The following ADAMTS16 variants were observed in gnomAD, a reference collection of about 807,000 sequenced individuals.
ADAMTS16 encodes A disintegrin and metalloproteinase with thrombospondin motifs 16.
In ADAMTS16, 94 loss-of-function variants were observed where a neutral mutation model predicts 145.8. The observed-to-expected ratio is 0.64, with a 90% CI of 0.55 to 0.77. ADAMTS16 has a LOEUF of 0.77. Ranked by LOEUF, ADAMTS16 falls within the 30% of genes least tolerant of loss-of-function variation. The probability of loss-of-function intolerance (pLI) is 0.00; values close to 1 mark genes in which losing one functional copy is unlikely to be tolerated. For missense variants in ADAMTS16, 1,585 were observed against 1,591.5 expected (o/e 1.00, Z 0.07); for synonymous variants, 659 against 604.3 (o/e 1.09, Z -1.33).
chr5:5,160,326 C>A (rs970294128), intron 3 of ADAMTS16, among the ~76,000 whole-genome samples: 3 of 152,144 alleles, frequency 2.0e-5, no homozygotes, highest in Non-Finnish European at 4.4e-5. Context: ...TTTCTTGGAT[C>A]TAATGTCAAT....
Position 5,242,108 on chromosome 5 carries a change from TG to T in ADAMTS16, c.2583del (p.Thr862ProfsTer29). On this transcript the variant is annotated frameshift_variant, in exon 17 of 23. Transcript: ENST00000274181. LOFTEE classifies it high-confidence loss of function. The stretch of plus-strand genomic sequence containing the variant: ...GCCTGGGAATACTCCATGCCTCGCT[TG>T]GGGACCGAGAAGCAGCCCCCTGCCC... ...GVAWEYSMPR[L>X]GTEKQPPAQP... The T allele has an allele frequency of 6.2e-7, 1 of 1,614,188 alleles. No individual in the cohort carries two copies. Among genetic ancestry groups the T allele is most frequent in the Non-Finnish European group, 8.5e-7 (1 of 1,180,028 alleles).
rs374090755 is a variant in ADAMTS16, at chr5:5,239,918, T to A, written c.2516T>A (p.Ile839Asn). The change falls in exon 16 of 23, where the codon ATT becomes AAT. Residue 839 changes from isoleucine (I) to asparagine (N), a missense_variant. Ile to Asn is a moderately radical substitution (Grantham distance 149, BLOSUM62 -3). This residue lies in a region of ADAMTS16 where 834 missense variants were observed against 811.7 expected (regional missense o/e 1.03). Coordinates refer to ENST00000274181, the MANE Select transcript of ADAMTS16 (RefSeq NM_139056.4). ...ACTGGACCAACCAACGAGACACTGA[T>A]TGTGGAGGTAAAGTCCAGCCTCTTG... ...IATGPTNETL[I>N]VELLFQGRNP... is the part of the protein sequence containing the mutation. The A allele has an allele frequency of 2.5e-6, 4 of 1,613,362 alleles. No individual in the cohort carries two copies. The African/African-American group carries it at 5.3e-5, about 22-fold the overall frequency.
At chr5:5,244,306 A>C (rs1737376946) in intron 17 of ADAMTS16, among the ~76,000 whole-genome samples, 1 of 152,202 alleles carries the variant, frequency 6.6e-6, no homozygotes, top group African/African-American at 2.4e-5. Flanking sequence ...TTCCTTCCCT[A>C]GTATCCCCAG....
At chr5:5,170,606 G>A (rs978911128) in intron 3 of ADAMTS16, among the ~76,000 whole-genome samples, 1 of 152,000 alleles carries the variant, frequency 6.6e-6, no homozygotes, top group Non-Finnish European at 1.5e-5. Context: ...TTGAACTCCC[G>A]ACCTCAGGTG....
At position 5,319,706 on chromosome 5, in the gene ADAMTS16, G is replaced by A. The variant is rs1734210497; in HGVS notation, c.*568G>A. On this transcript the variant is annotated 3_prime_UTR_variant, in exon 23 of 23. Coordinates refer to ENST00000274181, the MANE Select transcript of ADAMTS16 (RefSeq NM_139056.4). ...GCCGAGCATCTCTTACCAGGAACCT[G>A]GAGCCACCGCCGGAGCCAGCGTCAT... The A allele has an allele frequency of 5.6e-6, 2 of 357,938 alleles. No homozygotes were observed. Among genetic ancestry groups the A allele is most frequent in the African/African-American group, 2.2e-5 (1 of 46,184 alleles). The allele number at this position is 357,938 out of a possible 1,614,324, so 22.2% of individuals were successfully genotyped here. A position where few individuals can be genotyped will look rare whatever the true frequency, so the allele number is the denominator to read the frequency against.
At chr5:5,214,077 G>C (rs777356927) in intron 10 of ADAMTS16, among the ~76,000 whole-genome samples, 17 of 152,188 alleles carry the variant, frequency 1.1e-4, no homozygotes, top group Non-Finnish European at 1.9e-4. Context: ...GTGCTCCCAG[G>C]CAGAGAGGTG....
At position 5,318,243 on chromosome 5, in the gene ADAMTS16, C is replaced by A; in HGVS notation, c.3521C>A (p.Ala1174Asp). 6.4e-7 allele frequency: 1 copy of A among 1,558,726 alleles called. No individual in the cohort carries two copies. Among genetic ancestry groups the A allele is most frequent in the Non-Finnish European group, 8.7e-7 (1 of 1,147,572 alleles). The change falls in exon 22 of 23, where the codon GCC (alanine) becomes GAC (aspartate). Residue 1174 changes from alanine (A) to aspartate (D), a missense_variant. Physicochemically the swap from Ala to Asp is moderately radical, Grantham distance 126. Coordinates refer to ENST00000274181, the MANE Select transcript of ADAMTS16 (RefSeq NM_139056.4). ...LLHQKPSASL[A>D]CNTHFCPIAE... The stretch of plus-strand genomic sequence containing the variant: ...CACCAGAAGCCTTCGGCCTCCCTGG[C>A]CTGCAACACTCACTTCTGCCCCATT...
chr5:5,197,282 T>C (rs1299865076), intron 8 of ADAMTS16, among the ~76,000 whole-genome samples: 3 of 152,286 alleles, frequency 2.0e-5, no homozygotes, highest in Middle Eastern at 3.4e-3. Flanking sequence ...TACTTCCCAA[T>C]AGTAATTGAA....
At chr5:5,239,964 G>T in intron 16 of ADAMTS16, 39 bp downstream of exon 16, 1 of 1,607,906 alleles carries the variant, frequency 6.2e-7, no homozygotes, top group South Asian at 1.1e-5. Context: ...TTGGATTTTG[G>T]GGGTGTTCTG....
chr5:5,183,366 C>G (rs533597710), intron 4 of ADAMTS16, among the ~76,000 whole-genome samples: 2 of 152,198 alleles, frequency 1.3e-5, no homozygotes, highest in Non-Finnish European at 2.9e-5. Flanking sequence ...CCGAGGCTGC[C>G]GTGACCGGCA....
intron 14 of ADAMTS16, 118 bp from the exon 15 acceptor site, chr5:5,239,033 C>A: frequency 8.7e-7 from 1 of 1,149,140 alleles, no homozygotes; most frequent in Non-Finnish European, 1.2e-6. Context: ...GTTAACTACC[C>A]TATGTTGGTG....
chr5:5,212,264 G>A (rs1736294134), intron 10 of ADAMTS16, among the ~76,000 whole-genome samples: 1 of 144,136 alleles, frequency 6.9e-6, no homozygotes. Flanking sequence ...CTGGAGTGCA[G>A]TGGCACGATC....
intron 3 of ADAMTS16, among the ~76,000 whole-genome samples, chr5:5,168,334 G>T (rs573477425): frequency 7.1e-6 from 1 of 141,096 alleles, no homozygotes; most frequent in African/African-American, 2.7e-5. Context: ...ACTCTTTTAC[G>T]TCTTTATTTA....
chr5:5,142,411 G>A (rs2126496092), intron 2 of ADAMTS16: 1 of 152,348 alleles, frequency 6.6e-6, no homozygotes, highest in Admixed American at 6.5e-5. Flanking sequence ...TGAAGTTCTA[G>A]CCCAGTGGAC....
chr5:5,290,895 G>C (rs973183545), intron 18 of ADAMTS16, among the ~76,000 whole-genome samples: 2 of 152,122 alleles, frequency 1.3e-5, no homozygotes, highest in African/African-American at 4.8e-5. Context: ...CCCAGACGAG[G>C]TGGAGAACAC....
intron 8 of ADAMTS16, among the ~76,000 whole-genome samples, chr5:5,195,061 C>A (rs1735765218): frequency 1.3e-5 from 2 of 152,104 alleles, no homozygotes; most frequent in African/African-American, 4.8e-5. Flanking sequence ...TTAAAAAAAT[C>A]TCAAAATATC....
intron 8 of ADAMTS16, among the ~76,000 whole-genome samples, chr5:5,196,707 T>C (rs1735816032): frequency 6.6e-6 from 1 of 152,248 alleles, no homozygotes; most frequent in Non-Finnish European, 1.5e-5. Flanking sequence ...TTATATGATT[T>C]GACCAAGACC....
intron 6 of ADAMTS16, among the ~76,000 whole-genome samples, chr5:5,189,400 C>A (rs1371018945): frequency 6.6e-6 from 1 of 152,172 alleles, no homozygotes; most frequent in East Asian, 1.9e-4. Context: ...TGCAAAGTCT[C>A]CTTTTAGTTG....
intron 17 of ADAMTS16, among the ~76,000 whole-genome samples, chr5:5,247,210 A>G (rs148677748): frequency 6.6e-6 from 1 of 152,260 alleles, no homozygotes; most frequent in East Asian, 1.9e-4. Context: ...AACTTCAGCT[A>G]AAGGGTTGGG....
Sources: gnomAD v4.1 joint callset for allele counts (sites outside exome capture counted in the v4.1 genomes callset) on GRCh38, gnomAD v4.1.1 for gene constraint, gnomAD v4.1.1 regional missense constraint, MANE v1.5 for transcripts, NCBI Gene and HGNC (gene_info 2026-07-23, HGNC 2026-07-21) for gene names.